The following PTPRK variants were observed in gnomAD, a reference collection of about 807,000 sequenced individuals.
The protein encoded by PTPRK is protein tyrosine phosphatase receptor type K.
Under a neutral mutation model 178.0 loss-of-function variants are expected in PTPRK, and 75 were observed. That is an observed-to-expected ratio of 0.42 (90% CI 0.35 to 0.51). PTPRK has a LOEUF of 0.51. PTPRK is among the 20% of genes least tolerant of loss of function. The pLI is 0.02. For missense variants in PTPRK, 1,441 were observed against 1,797.8 expected, an observed-to-expected ratio of 0.80 and a Z score of 3.59; for synonymous variants, 637 against 620.6, an observed-to-expected ratio of 1.03 and a Z score of -0.39.
At chr6:128,499,421 A>C (rs910092307) in intron 1 of PTPRK, among the ~76,000 whole-genome samples, 1 of 152,270 alleles carries the variant, frequency 6.6e-6, no homozygotes, top group Admixed American at 6.5e-5. Context: ...AGAATATCCA[A>C]CATAAATTAC....
chr6:128,244,975 T>C (rs1344596243), intron 3 of PTPRK, among the ~76,000 whole-genome samples: 2 of 152,190 alleles, frequency 1.3e-5, no homozygotes, highest in Non-Finnish European at 2.9e-5. Flanking sequence ...AGGACATTTT[T>C]ACTCTGGTGG....
At chr6:128,175,235 A>T (rs1377100467) in intron 7 of PTPRK, among the ~76,000 whole-genome samples, 1 of 151,920 alleles carries the variant, frequency 6.6e-6, no homozygotes, top group Non-Finnish European at 1.5e-5. Context: ...CAGAATGATG[A>T]TTAATAAAGG....
At chr6:128,076,786 A>T (rs1273983297) in intron 11 of PTPRK, among the ~76,000 whole-genome samples, 1 of 152,060 alleles carries the variant, frequency 6.6e-6, no homozygotes, top group East Asian at 1.9e-4. Flanking sequence ...TATCAATAAC[A>T]TACTGAGTTA....
At chr6:128,171,568 C>T (rs1800257184) in intron 7 of PTPRK, among the ~76,000 whole-genome samples, 1 of 151,836 alleles carries the variant, frequency 6.6e-6, no homozygotes, top group Non-Finnish European at 1.5e-5. Flanking sequence ...CACTAAAAAC[C>T]ACGATATAAC....
chr6:128,041,744 GTA>G (rs1045381824), intron 13 of PTPRK, among the ~76,000 whole-genome samples: 7 of 151,410 alleles, frequency 4.6e-5, no homozygotes, highest in African/African-American at 1.7e-4. Flanking sequence ...TATTATATAT[GTA>G]TATATATGTG....
intron 2 of PTPRK, among the ~76,000 whole-genome samples, chr6:128,380,471 C>T (rs1397015413): frequency 6.6e-6 from 1 of 151,512 alleles, no homozygotes; most frequent in Non-Finnish European, 1.5e-5. Context: ...TACTATTCTG[C>T]GTGATTATTC....
intron 7 of PTPRK, among the ~76,000 whole-genome samples, chr6:128,125,500 C>A (rs1793190000): frequency 6.6e-6 from 1 of 151,554 alleles, no homozygotes; most frequent in South Asian, 2.1e-4. Context: ...GCCTGTGGAA[C>A]TGGGAGCCAA....
intron 3 of PTPRK, among the ~76,000 whole-genome samples, chr6:128,243,944 T>C (rs1814982366): frequency 6.6e-6 from 1 of 151,912 alleles, no homozygotes; most frequent in Admixed American, 6.6e-5. Context: ...AAAAAATAAG[T>C]CAATATGCTA....
chr6:128,278,138 T>C (rs147579206), intron 3 of PTPRK, among the ~76,000 whole-genome samples: 3 of 145,748 alleles, frequency 2.1e-5, no homozygotes, highest in African/African-American at 7.9e-5. Flanking sequence ...TTTATTTATT[T>C]ATTTATTTAT....
intron 7 of PTPRK, among the ~76,000 whole-genome samples, chr6:128,182,213 G>A (rs1306253362): frequency 1.3e-5 from 2 of 152,062 alleles, no homozygotes; most frequent in Non-Finnish European, 2.9e-5. Flanking sequence ...CAAATTAAAT[G>A]TTTCTCAGAA....
chr6:128,421,068 C>G (rs1843421297), intron 1 of PTPRK, among the ~76,000 whole-genome samples: 1 of 152,106 alleles, frequency 6.6e-6, no homozygotes, highest in Admixed American at 6.5e-5. Flanking sequence ...CACAATCATT[C>G]TTTTCCATAT....
Position 128,242,437 on chromosome 6 carries a change from A to C in PTPRK, c.577+84T>G. ...ATAACAAGAGAGACAGCAAAAACCAAGTGATAAACAATCAATAGTCACTGC... is the reference window on the plus strand; with the variant it reads ...ATAACAAGAGAGACAGCAAAAACCACGTGATAAACAATCAATAGTCACTGC... On this transcript the variant is annotated intron_variant, in intron 4 of 29. Transcript: ENST00000368226. The C allele has an allele frequency of 5.2e-6, 8 of 1,528,178 alleles. No homozygotes were observed. The South Asian group carries it at 1.0e-4, about 20-fold the overall frequency. 94.7% of individuals were successfully genotyped at this position (1,528,178 alleles called of 1,614,324 possible). A position where few individuals can be genotyped will look rare whatever the true frequency, so the allele number is the denominator to read the frequency against.
intron 13 of PTPRK, among the ~76,000 whole-genome samples, chr6:128,056,617 G>A (rs1434537904): frequency 1.3e-5 from 2 of 151,860 alleles, no homozygotes; most frequent in Non-Finnish European, 2.9e-5. Context: ...GTAGAGATGG[G>A]GTTTCGCTAT....
chr6:128,139,060 G>C (rs1435281666), intron 7 of PTPRK, among the ~76,000 whole-genome samples: 4 of 151,946 alleles, frequency 2.6e-5, no homozygotes, highest in South Asian at 2.1e-4. Flanking sequence ...AAGCAGCCTA[G>C]AGAAAAATAG....
chr6:127,993,841 C>T (rs1440205224), intron 18 of PTPRK, among the ~76,000 whole-genome samples: 3 of 151,142 alleles, frequency 2.0e-5, no homozygotes, highest in Non-Finnish European at 4.4e-5. Context: ...AGAAATAGAC[C>T]AAAATACACT....
At chr6:128,067,222 C>A (rs1255298443) in intron 12 of PTPRK, among the ~76,000 whole-genome samples, 1 of 152,108 alleles carries the variant, frequency 6.6e-6, no homozygotes, top group Admixed American at 6.6e-5. Context: ...GGAGTCCCAG[C>A]AGCAGCACAC....
intron 1 of PTPRK, among the ~76,000 whole-genome samples, chr6:128,402,433 A>G (rs1271737145): frequency 1.3e-5 from 2 of 152,046 alleles, no homozygotes; most frequent in African/African-American, 4.8e-5. Flanking sequence ...TTGTATTTTT[A>G]GTAGAGACGG....
chr6:128,499,422 C>T (rs941504250), intron 1 of PTPRK, among the ~76,000 whole-genome samples: 11 of 152,228 alleles, frequency 7.2e-5, no homozygotes, highest in South Asian at 4.1e-4. Flanking sequence ...GAATATCCAA[C>T]ATAAATTACC....
intron 7 of PTPRK, among the ~76,000 whole-genome samples, chr6:128,146,472 TC>T (rs1796512219): frequency 6.6e-6 from 1 of 151,056 alleles, no homozygotes; most frequent in African/African-American, 2.4e-5. Context: ...TGTGATGGAG[TC>T]TCGCTCTGTC....
Sources: gnomAD v4.1 joint callset for allele counts (sites outside exome capture counted in the v4.1 genomes callset) on GRCh38, gnomAD v4.1.1 for gene constraint, MANE v1.5 for transcripts, NCBI Gene and HGNC (gene_info 2026-07-23, HGNC 2026-07-21) for gene names.